Variants in LCORL observed in about 807,000 individuals in gnomAD.
LCORL encodes ligand dependent nuclear receptor corepressor like.
In LCORL, 41 loss-of-function variants were observed where a neutral mutation model predicts 141.8. That is an observed-to-expected ratio of 0.29 (90% confidence interval 0.23 to 0.38). The LOEUF (loss-of-function observed/expected upper bound fraction) is 0.38, where lower values mean the gene tolerates loss of function less well. Ranked by LOEUF, LCORL falls within the 10% of genes least tolerant of loss-of-function variation. The probability of loss-of-function intolerance (pLI) is 1.00; values close to 1 mark genes in which losing one functional copy is unlikely to be tolerated. For missense variants in LCORL, 1,759 were observed against 2,035.0 expected, an observed-to-expected ratio of 0.86 and a Z score of 2.61; for synonymous variants, 618 against 694.1, an observed-to-expected ratio of 0.89 and a Z score of 1.72.
In LCORL at chr4:17,861,560, C is replaced by T. The variant is rs186221903; in HGVS notation, c.5602+11828G>A. Among the ~76,000 whole-genome samples, 404 of 152,328 alleles carry T rather than the reference C, an allele frequency of 2.7e-3. 1 individual carries two copies. Among genetic ancestry groups the T allele is most frequent in the Non-Finnish European group, 3.5e-3 (238 of 68,028 alleles). On this transcript the variant is annotated intron_variant, in intron 7 of 7. Transcript: ENST00000635767. ...CTACCATGCCTTTGAGACATTTTCC[C>T]TGTTGGCTTGGAGATTAACGTGTGG...
At chr4:17,926,226 T>C (rs1735120635) in intron 4 of LCORL, among the ~76,000 whole-genome samples, 2 of 152,170 alleles carry the variant, frequency 1.3e-5, no homozygotes, top group South Asian at 4.1e-4. Flanking sequence ...CAAAGTATTG[T>C]TCTTGAGTGT....
At chr4:18,009,579 A>G (rs16896261) in intron 1 of LCORL, among the ~76,000 whole-genome samples, 30,939 of 151,610 alleles carry the variant, frequency 0.2, 4,008 homozygotes, top group African/African-American at 0.36. Flanking sequence ...TCCTCATCTC[A>G]CTTGAGCCTT....
chr4:17,974,134 G>C (rs933844368), intron 1 of LCORL, among the ~76,000 whole-genome samples: 1 of 152,012 alleles, frequency 6.6e-6, no homozygotes, highest in Non-Finnish European at 1.5e-5. Flanking sequence ...TTTTAGAGTA[G>C]AAGATACTCT....
At chr4:18,020,173 C>A (rs1457581981) in intron 1 of LCORL, among the ~76,000 whole-genome samples, 1 of 152,190 alleles carries the variant, frequency 6.6e-6, no homozygotes, top group Non-Finnish European at 1.5e-5. Flanking sequence ...CATTTCTGAA[C>A]TGAAATTGTA....
At chr4:17,924,466 A>G (rs1194645001) in intron 4 of LCORL, among the ~76,000 whole-genome samples, 1 of 152,166 alleles carries the variant, frequency 6.6e-6, no homozygotes, top group South Asian at 2.1e-4. Context: ...CTGAGCCCTC[A>G]ATATGGCACT....
intron 1 of LCORL, among the ~76,000 whole-genome samples, chr4:18,012,932 C>T (rs1724038690): frequency 6.6e-6 from 1 of 152,198 alleles, no homozygotes; most frequent in African/African-American, 2.4e-5. Context: ...CTGTATTTAT[C>T]AGTTCTTCCT....
chr4:17,931,510 GTTTT>G (rs1303418794), intron 4 of LCORL, among the ~76,000 whole-genome samples: 1 of 151,420 alleles, frequency 6.6e-6, no homozygotes, highest in Non-Finnish European at 1.5e-5. Context: ...CTTATATGTA[GTTTT>G]TTTGTCATTA....
chr4:17,904,332 T>C (rs1466544879), intron 5 of LCORL, among the ~76,000 whole-genome samples: 4 of 152,116 alleles, frequency 2.6e-5, no homozygotes, highest in Non-Finnish European at 4.4e-5. Flanking sequence ...TTTTGTTAGC[T>C]GAATGCTTTC....
At chr4:17,843,286 T>C in exon 8 of LCORL, 4 of 1,601,530 alleles carry the variant, frequency 2.5e-6, no homozygotes, top group Non-Finnish European at 3.4e-6. Flanking sequence ...TTCGTGTATT[T>C]TCAACATCTA....
chr4:17,892,209 CTTTTTTTTTTTT>C (rs1018422638), intron 5 of LCORL, among the ~76,000 whole-genome samples: 2 of 126,508 alleles, frequency 1.6e-5, no homozygotes, highest in Non-Finnish European at 3.4e-5. Flanking sequence ...TTTTTTTTTT[CTTTTTTTTTTTT>C]TTTTTGAGAC....
chr4:17,856,262 G>A (rs764307081), intron 7 of LCORL, among the ~76,000 whole-genome samples: 12 of 152,064 alleles, frequency 7.9e-5, no homozygotes, highest in Non-Finnish European at 1.6e-4. Flanking sequence ...TTCATATGTC[G>A]AAGCTCTAAC....
rs1491254971 is a variant in LCORL, at chr4:17,864,233, C to CT, written c.5602+9154dup. Among the ~76,000 whole-genome samples, 437 of 151,732 alleles carry CT rather than the reference C, an allele frequency of 2.9e-3. 2 individuals are homozygous for CT. Among genetic ancestry groups the CT allele is most frequent in the African/African-American group, 8.6e-3 (355 of 41,410 alleles). The stretch of plus-strand genomic sequence containing the variant: ...TATACTATAAACCCTATAGAAGCCA[C>CT]TTTTTTTTTAAAACAGTGTCTCATT... On this transcript the variant is annotated intron_variant, in intron 7 of 7. Coordinates refer to ENST00000635767, the Ensembl canonical transcript of LCORL.
At chr4:17,997,309 C>T (rs1156316971) in intron 1 of LCORL, among the ~76,000 whole-genome samples, 4 of 152,112 alleles carry the variant, frequency 2.6e-5, no homozygotes, top group Admixed American at 2.6e-4. Flanking sequence ...ATTCTAATTA[C>T]ATTTATGATT....
Position 17,995,843 on chromosome 4 carries a change from A to G in LCORL, c.155-22958T>C, listed in dbSNP as rs546749885. On this transcript the variant is annotated intron_variant, in intron 1 of 7. Coordinates refer to ENST00000635767, the Ensembl canonical transcript of LCORL. ...TGTAATGAATATGGAGTGAAGACTC[A>G]GGTTGGAGTCCATGATTTGCCATGG... Among the ~76,000 whole-genome samples, 3 of 152,250 alleles carry G rather than the reference A, an allele frequency of 2.0e-5. No homozygotes were observed. The East Asian group carries it at 5.8e-4, about 29-fold the overall frequency.
chr4:17,877,656 G>A, exon 7 of LCORL: 1 of 1,230,310 alleles, frequency 8.1e-7, no homozygotes, highest in Non-Finnish European at 1.0e-6. Context: ...AGTTTCTATA[G>A]GTGATAATGG....
chr4:17,877,366 T>C, exon 7 of LCORL: 4 of 1,230,500 alleles, frequency 3.3e-6, no homozygotes, highest in South Asian at 4.1e-5. Context: ...GTGGTTTCTA[T>C]TGATTTTAGT....
chr4:17,885,613 T>C (rs779639510), intron 6 of LCORL, among the ~76,000 whole-genome samples: 1 of 151,952 alleles, frequency 6.6e-6, no homozygotes, highest in Non-Finnish European at 1.5e-5. Flanking sequence ...TGGTGATTAC[T>C]AGATATATTT....
chr4:17,961,296 A>G (rs982938895), intron 4 of LCORL, among the ~76,000 whole-genome samples: 1 of 152,102 alleles, frequency 6.6e-6, no homozygotes, highest in Admixed American at 6.6e-5. Context: ...CAAGTAACTA[A>G]AATATAAAAA....
intron 7 of LCORL, among the ~76,000 whole-genome samples, chr4:17,860,940 G>T (rs1181180511): frequency 6.6e-6 from 1 of 152,182 alleles, no homozygotes; most frequent in African/African-American, 2.4e-5. Context: ...GGGTTATCAT[G>T]GTCTTGGGCA....
Sources: allele counts gnomAD v4.1 joint callset (sites outside exome capture counted in the v4.1 genomes callset), GRCh38; gene constraint gnomAD v4.1.1; transcripts MANE v1.5; gene names NCBI Gene and HGNC (gene_info 2026-07-23, HGNC 2026-07-21).